Variants in DSE observed in about 807,000 individuals in gnomAD.
The protein encoded by DSE is dermatan-sulfate epimerase.
Under a neutral mutation model 84.4 loss-of-function variants are expected in DSE, and 36 were observed. The observed-to-expected ratio is 0.43, with a 90% confidence interval of 0.33 to 0.56. The LOEUF (loss-of-function observed/expected upper bound fraction) is 0.56, where lower values mean the gene tolerates loss of function less well. Ranked by LOEUF, DSE falls within the 20% of genes least tolerant of loss-of-function variation. The pLI, the probability that DSE is intolerant of heterozygous loss-of-function variation, is 0.06. For synonymous variants in DSE, 410 were observed against 430.1 expected, an observed-to-expected ratio of 0.95 and a Z score of 0.58; for missense variants, 862 against 1,169.6, an observed-to-expected ratio of 0.74 and a Z score of 3.84.
intron 2 of DSE, among the ~76,000 whole-genome samples, chr6:116,299,691 A>G (rs1161850346): frequency 1.3e-5 from 2 of 151,798 alleles, no homozygotes; most frequent in Non-Finnish European, 2.9e-5. Flanking sequence ...AACTTGTACC[A>G]CATAGAATCT....
intron 2 of DSE, among the ~76,000 whole-genome samples, chr6:116,292,795 C>T (rs897174229): frequency 6.6e-6 from 1 of 152,124 alleles, no homozygotes; most frequent in Non-Finnish European, 1.5e-5. Context: ...AAAGTAGTGA[C>T]CTGGAAAAGC....
At chr6:116,404,141 A>G (rs1376251644) in intron 2 of DSE, among the ~76,000 whole-genome samples, 1 of 152,176 alleles carries the variant, frequency 6.6e-6, no homozygotes, top group Non-Finnish European at 1.5e-5. Context: ...CTCTTGGTAG[A>G]TGGGTTGCTA....
In DSE at chr6:116,258,181, A is replaced by G. The variant is rs75034834; in HGVS notation, c.-575-265A>G. ...CAGGCACCTGCCACCATGCCCGGCT[A>G]ATTTTTTTTTTTTTAGTAGATACAG... On this transcript the variant is annotated intron_variant, in intron 1 of 3. Coordinates refer to the DSE transcript ENST00000430252. 1.3e-5 allele frequency among the ~76,000 whole-genome samples: 2 copies of G among 150,866 alleles called. 1 individual carries two copies. The highest frequency in any genetic ancestry group is 3.9e-4 in the East Asian group (2 of 5,174).
chr6:116,423,347 T>C (rs1397359766), intron 2 of DSE, among the ~76,000 whole-genome samples: 2 of 149,272 alleles, frequency 1.3e-5, no homozygotes, highest in African/African-American at 4.9e-5. Context: ...CTCATAAAAA[T>C]CTAGAAGGCT....
chr6:116,336,557 A>G (rs938155402), intron 2 of DSE, among the ~76,000 whole-genome samples: 8 of 152,164 alleles, frequency 5.3e-5, no homozygotes, highest in African/African-American at 1.9e-4. Context: ...GGAGTTCAAG[A>G]CCAGCCTGAC....
intron 2 of DSE, among the ~76,000 whole-genome samples, chr6:116,262,998 C>A (rs1295346913): frequency 6.6e-6 from 1 of 152,086 alleles, no homozygotes; most frequent in Non-Finnish European, 1.5e-5. Flanking sequence ...AATTTCAGTT[C>A]TTTGGCATTT....
At chr6:116,277,237 T>C (rs1045546358) in intron 2 of DSE, 1 of 152,644 alleles carries the variant, frequency 6.6e-6, no homozygotes, top group Admixed American at 6.5e-5. Context: ...AGTTGCGCTG[T>C]CTTTCTTTAA....
At chr6:116,276,470 A>T (rs1005345588) in intron 2 of DSE, 4 of 152,238 alleles carry the variant, frequency 2.6e-5, no homozygotes, top group Admixed American at 6.5e-5. Context: ...GGAAGGTACC[A>T]AACATACCGT....
At chr6:116,428,969 A>G (rs917751117) in intron 3 of DSE, among the ~76,000 whole-genome samples, 1 of 152,232 alleles carries the variant, frequency 6.6e-6, no homozygotes, top group Admixed American at 6.5e-5. Flanking sequence ...GTATTTTGGT[A>G]GACATTGCCT....
At chr6:116,401,704 G>A (rs907260731) in intron 2 of DSE, among the ~76,000 whole-genome samples, 1 of 152,094 alleles carries the variant, frequency 6.6e-6, no homozygotes. Flanking sequence ...ACACAATTAT[G>A]TGCTGTAATA....
chr6:116,367,706 A>C (rs1779245480), upstream of DSE, among the ~76,000 whole-genome samples: 1 of 152,220 alleles, frequency 6.6e-6, no homozygotes, highest in Non-Finnish European at 1.5e-5. Context: ...GGATAAAATA[A>C]GCTTTCAAAG....
At chr6:116,420,478 G>A (rs900152534) in intron 2 of DSE, among the ~76,000 whole-genome samples, 1 of 152,186 alleles carries the variant, frequency 6.6e-6, no homozygotes. Flanking sequence ...ATCTAGGACA[G>A]GCCAGGTGAG....
chr6:116,279,977 G>A, intron 2 of DSE: 1 of 1,155,382 alleles, frequency 8.7e-7, no homozygotes, highest in Non-Finnish European at 1.3e-6. Context: ...TCACGGTATC[G>A]CGAGAACTTG....
intron 2 of DSE, among the ~76,000 whole-genome samples, chr6:116,280,784 G>C (rs1224788734): frequency 6.6e-6 from 1 of 152,166 alleles, no homozygotes; most frequent in Non-Finnish European, 1.5e-5. Flanking sequence ...AATATCAGTG[G>C]GGGGAGCCAC....
upstream of DSE, chr6:116,367,351 G>C (rs1456791948): frequency 6.6e-6 from 1 of 151,990 alleles, no homozygotes. Context: ...GCCTGAGGAA[G>C]AAAAACAAAA....
rs1400007142 is a variant in DSE at position 116,436,461 on chromosome 6, A to T, written c.1993A>T (p.Ile665Leu). 6.2e-7 allele frequency: 1 copy of T among 1,614,156 alleles called. No individual in the cohort carries two copies. The highest frequency in any genetic ancestry group is 1.7e-5 in the Admixed American group (1 of 60,016). Residue 665 changes from isoleucine to leucine, a missense_variant, in exon 6 of 6, where the codon ATA (isoleucine) becomes TTA (leucine). By Grantham distance (5) the Ile-to-Leu change is conservative. Transcript: ENST00000644252. Reference sequence around the variant, plus strand: ...CATCACCAGGGCAGCTTACCTCTTCATAGGGCCATCTATAGATGTTCAGAG... The same window carrying T: ...CATCACCAGGGCAGCTTACCTCTTCTTAGGGCCATCTATAGATGTTCAGAG... ...SPITRAAYLF[I>L]GPSIDVQSFT...
At chr6:116,344,089 G>A (rs988677359) in intron 2 of DSE, among the ~76,000 whole-genome samples, 11 of 152,154 alleles carry the variant, frequency 7.2e-5, no homozygotes, top group Non-Finnish European at 1.6e-4. Flanking sequence ...AGAGAAAAAA[G>A]AGTAAAAAGA....
chr6:116,269,341 A>T (rs1772778855), intron 2 of DSE, among the ~76,000 whole-genome samples: 1 of 152,234 alleles, frequency 6.6e-6, no homozygotes, highest in South Asian at 2.1e-4. Context: ...AATAAATAGA[A>T]GCTGACTTGC....
intron 2 of DSE, among the ~76,000 whole-genome samples, chr6:116,313,266 G>C (rs1011335971): frequency 2.6e-5 from 4 of 152,170 alleles, no homozygotes; most frequent in African/African-American, 9.7e-5. Flanking sequence ...CCAATACCTT[G>C]AATTCTAACT....
Sources: allele counts gnomAD v4.1 joint callset (sites outside exome capture counted in the v4.1 genomes callset), GRCh38; gene constraint gnomAD v4.1.1; transcripts MANE v1.5; gene names NCBI Gene and HGNC (gene_info 2026-07-23, HGNC 2026-07-21).